MITF: variants seen among roughly 807,000 people sequenced by gnomAD.
The protein encoded by MITF is microphthalmia-associated transcription factor.
Under a neutral mutation model 60.5 loss-of-function variants are expected in MITF, and 17 were observed. That is an observed-to-expected ratio of 0.28 (90% CI 0.19 to 0.42). The LOEUF is 0.42. MITF is among the 10% of genes least tolerant of loss of function. The pLI is 1.00. For synonymous variants in MITF, 260 were observed against 248.5 expected (o/e 1.05, Z -0.43); for missense variants, 622 against 683.5 (o/e 0.91, Z 1.00).
chr3:69,858,271 A>G (rs2063953918), intron 1 of MITF, among the ~76,000 whole-genome samples: 1 of 152,140 alleles, frequency 6.6e-6, no homozygotes, highest in Admixed American at 6.5e-5. Flanking sequence ...ATTATGATTG[A>G]TTAGAGTTTA....
At chr3:69,908,116 G>T (rs1036772174) in intron 2 of MITF, among the ~76,000 whole-genome samples, 3 of 152,042 alleles carry the variant, frequency 2.0e-5, no homozygotes, top group Admixed American at 6.6e-5. Context: ...ATAGAATCTA[G>T]ATGGATACAT....
chr3:69,772,747 C>T lies in MITF; in HGVS notation c.104+33046C>T, dbSNP rs146621124. Among the ~76,000 whole-genome samples, 6 of 152,210 alleles carry T rather than the reference C, an allele frequency of 3.9e-5. No homozygotes were observed. In the South Asian group the frequency reaches 8.3e-4, roughly 21 times the overall value. ...CTATGGGCTGCCAGATGCTAGCAAACGTTTCACAGCTCTTGAATTCTCTGG... is the reference window on the plus strand; with the variant it reads ...CTATGGGCTGCCAGATGCTAGCAAATGTTTCACAGCTCTTGAATTCTCTGG... On this transcript the variant is annotated intron_variant, in intron 1 of 9. Coordinates refer to ENST00000352241, the MANE Select transcript of MITF (RefSeq NM_001354604.2).
intron 1 of MITF, among the ~76,000 whole-genome samples, chr3:69,833,026 G>A (rs148150167): frequency 0.02 from 3,097 of 152,288 alleles, 83 homozygotes; most frequent in African/African-American, 0.058. Context: ...CACACTGTAT[G>A]TGATTGTTTC....
chr3:69,799,677 T>TTTTG (rs1388032751), intron 1 of MITF, among the ~76,000 whole-genome samples: 2 of 152,144 alleles, frequency 1.3e-5, no homozygotes, highest in African/African-American at 2.4e-5. Context: ...ATCTACTGTT[T>TTTTG]TTTGTTTGTT....
chr3:69,753,530 T>C (rs1704013931), intron 1 of MITF, among the ~76,000 whole-genome samples: 1 of 152,150 alleles, frequency 6.6e-6, no homozygotes, highest in Non-Finnish European at 1.5e-5. Flanking sequence ...CAACTTGCAC[T>C]CTCAGCCTGG....
intron 1 of MITF, among the ~76,000 whole-genome samples, chr3:69,748,678 G>T (rs1703820924): frequency 6.6e-6 from 1 of 152,318 alleles, no homozygotes; most frequent in Non-Finnish European, 1.5e-5. Flanking sequence ...TTTCAGGAAG[G>T]CATCTGTGGT....
intron 2 of MITF, among the ~76,000 whole-genome samples, chr3:69,926,782 G>A (rs988376777): frequency 6.6e-6 from 1 of 152,174 alleles, no homozygotes; most frequent in Non-Finnish European, 1.5e-5. Context: ...AATGCAAACT[G>A]TACAAGCTTG....
At chr3:69,856,430 C>T (rs2063920598) in intron 1 of MITF, among the ~76,000 whole-genome samples, 1 of 152,230 alleles carries the variant, frequency 6.6e-6, no homozygotes, top group Non-Finnish European at 1.5e-5. Flanking sequence ...GAGGTCTGAC[C>T]TGTATTGTGA....
At chr3:69,805,784 A>G (rs530872612) in intron 1 of MITF, among the ~76,000 whole-genome samples, 27 of 151,646 alleles carry the variant, frequency 1.8e-4, no homozygotes, top group Admixed American at 3.9e-4. Context: ...TCAGCCTACC[A>G]AATAGCTAGG....
chr3:69,745,459 G>C (rs546975600), intron 1 of MITF, among the ~76,000 whole-genome samples: 6 of 152,198 alleles, frequency 3.9e-5, no homozygotes, highest in Non-Finnish European at 7.3e-5. Flanking sequence ...AACAGAGGAA[G>C]GGGAACTGGG....
rs574028844 is a variant in MITF, at chr3:69,936,629, C to T, written c.355-1193C>T. The T allele has an allele frequency of 2.1e-5, 34 of 1,585,698 alleles. No homozygotes were observed. In the South Asian group the frequency reaches 2.5e-4, roughly 12 times the overall value. ...GGATACCTTGTTTATAGTACCTTCT[C>T]TTTGCCAGTCCATCTTCAAATTGGA... On this transcript the variant is annotated intron_variant, in intron 2 of 9. Transcript: ENST00000352241.
intron 1 of MITF, among the ~76,000 whole-genome samples, chr3:69,812,884 G>A (rs1054684697): frequency 5.9e-5 from 9 of 152,142 alleles, no homozygotes; most frequent in African/African-American, 2.2e-4. Flanking sequence ...AATTGGAAAG[G>A]AAAGTTGGTG....
intron 1 of MITF, among the ~76,000 whole-genome samples, chr3:69,798,452 A>G (rs140783764): frequency 6.6e-6 from 1 of 152,350 alleles, no homozygotes; most frequent in African/African-American, 2.4e-5. Context: ...CAATATATTT[A>G]AAGCGCATAG....
intron 1 of MITF, among the ~76,000 whole-genome samples, chr3:69,835,856 C>T (rs2063532233): frequency 3.3e-5 from 5 of 152,014 alleles, no homozygotes; most frequent in Admixed American, 3.3e-4. Flanking sequence ...TATGCCAGTA[C>T]CATGCTGTTT....
intron 1 of MITF, among the ~76,000 whole-genome samples, chr3:69,826,212 CT>C (rs2063352214): frequency 6.6e-6 from 1 of 152,166 alleles, no homozygotes; most frequent in African/African-American, 2.4e-5. Context: ...TTCACTACCC[CT>C]CCCAAGGTTA....
intron 1 of MITF, among the ~76,000 whole-genome samples, chr3:69,760,423 A>G (rs2062195403): frequency 6.6e-6 from 1 of 152,240 alleles, no homozygotes; most frequent in African/African-American, 2.4e-5. Context: ...AGTGTACAAC[A>G]GAGTACCTGC....
At chr3:69,948,411 T>A (rs2066152826) in intron 5 of MITF, among the ~76,000 whole-genome samples, 1 of 151,778 alleles carries the variant, frequency 6.6e-6, no homozygotes, top group Non-Finnish European at 1.5e-5. Context: ...CTTTTTTTTT[T>A]TATTATTATT....
chr3:69,945,708 T>C (rs897767786), intron 5 of MITF, among the ~76,000 whole-genome samples: 18 of 152,200 alleles, frequency 1.2e-4, no homozygotes, highest in African/African-American at 4.3e-4. Context: ...GATAAGTCTT[T>C]GTGGTGGGAG....
Position 69,927,236 on chromosome 3 carries a change from C to T in MITF, c.355-10586C>T, listed in dbSNP as rs1046975406. Among the ~76,000 whole-genome samples the T allele has an allele frequency of 7.2e-5, 11 of 151,928 alleles. No homozygotes were observed. In the South Asian group the frequency reaches 1.9e-3, roughly 26 times the overall value. ...TTCCCATTTACATTAATGAACTTTCCGTCTCATTAAATATTGTTAGATTAA... is the reference window on the plus strand; with the variant it reads ...TTCCCATTTACATTAATGAACTTTCTGTCTCATTAAATATTGTTAGATTAA... On this transcript the variant is annotated intron_variant, in intron 2 of 9. Transcript: ENST00000352241.
Sources: gnomAD v4.1 joint callset for allele counts (sites outside exome capture counted in the v4.1 genomes callset) on GRCh38, gnomAD v4.1.1 for gene constraint, MANE v1.5 for transcripts, NCBI Gene and HGNC (gene_info 2026-07-23, HGNC 2026-07-21) for gene names.